JAKMIP2: variants seen among roughly 807,000 people sequenced by gnomAD.
The protein encoded by JAKMIP2 is janus kinase and microtubule interacting protein 2, also known as janus kinase and microtubule-interacting protein 2.
In JAKMIP2, 25 loss-of-function variants were observed where a neutral mutation model predicts 115.0. The ratio of observed to expected loss-of-function variants is 0.22; its 90% CI spans 0.16 to 0.30. JAKMIP2 has a LOEUF of 0.30. Among genes scored for constraint, JAKMIP2 ranks in the 10% least tolerant of loss-of-function variants. The probability of loss-of-function intolerance (pLI) is 1.00; values close to 1 mark genes in which losing one functional copy is unlikely to be tolerated. For synonymous variants in JAKMIP2, 334 were observed against 343.6 expected (o/e 0.97, Z 0.31); for missense variants, 642 against 957.6 (o/e 0.67, Z 4.35).
chr5:147,732,671 A>G (rs754981469), intron 1 of JAKMIP2, among the ~76,000 whole-genome samples: 18 of 152,216 alleles, frequency 1.2e-4, no homozygotes, highest in Non-Finnish European at 2.4e-4. Flanking sequence ...CTTTATTTGC[A>G]TGATGTCATT....
rs955950697 is a variant in JAKMIP2, at chr5:147,782,337, A to G, written c.-149+119T>C. The G allele has an allele frequency of 4.0e-6, 4 of 995,746 alleles. No homozygotes were observed. In the Admixed American group the frequency reaches 8.0e-5, roughly 20 times the overall value. 61.7% of individuals were successfully genotyped at this position (995,746 alleles called of 1,614,324 possible). A position where few individuals can be genotyped will look rare whatever the true frequency, so the allele number is the denominator to read the frequency against. ...CCTCCATCCTCATCTCTGTCTCCAC[A>G]TCTCCCCCTTCTAGTCTGAGGCACG... On this transcript the variant is annotated intron_variant, in intron 1 of 21. Transcript: ENST00000616793.
At chr5:147,628,928 T>C (rs112925166) in intron 15 of JAKMIP2, 112 bp from the exon 16 acceptor site, 9 of 666,760 alleles carry the variant, frequency 1.3e-5, no homozygotes, top group African/African-American at 9.0e-5. Flanking sequence ...GTATAGAAAC[T>C]TAACAAATTC....
chr5:147,741,879 C>T (rs1754152478), intron 1 of JAKMIP2, among the ~76,000 whole-genome samples: 3 of 151,916 alleles, frequency 2.0e-5, no homozygotes, highest in South Asian at 4.1e-4. Flanking sequence ...CCATTTGCTG[C>T]TCTATGTCCC....
intron 1 of JAKMIP2, among the ~76,000 whole-genome samples, chr5:147,712,136 C>T (rs1231262331): frequency 6.6e-6 from 1 of 152,204 alleles, no homozygotes; most frequent in Non-Finnish European, 1.5e-5. Context: ...AAATATCCCA[C>T]ATTCTCACCT....
chr5:147,618,590 T>G (rs1013999331), intron 18 of JAKMIP2, among the ~76,000 whole-genome samples: 1 of 151,998 alleles, frequency 6.6e-6, no homozygotes, highest in East Asian at 1.9e-4. Flanking sequence ...TATAAAAAAT[T>G]AGGTGGGCGT....
At chr5:147,607,502 G>T (rs185014999) in intron 20 of JAKMIP2, among the ~76,000 whole-genome samples, 38 of 152,204 alleles carry the variant, frequency 2.5e-4, no homozygotes, top group African/African-American at 9.2e-4. Context: ...GTTGAACCAG[G>T]CTTGCATCCC....
At chr5:147,597,636 G>A (rs553903304) in intron 21 of JAKMIP2, among the ~76,000 whole-genome samples, 1 of 152,254 alleles carries the variant, frequency 6.6e-6, no homozygotes, top group African/African-American at 2.4e-5. Context: ...ATTTTCAATG[G>A]GTCATTGCAA....
At chr5:147,641,661 C>CTCA (rs764310511) in intron 8 of JAKMIP2, 47 bp downstream of exon 8, 18 of 1,356,108 alleles carry the variant, frequency 1.3e-5, no homozygotes, top group Non-Finnish European at 1.9e-5. Flanking sequence ...AGCCTCATCT[C>CTCA]TCTGGCTGTT....
intron 21 of JAKMIP2, among the ~76,000 whole-genome samples, chr5:147,594,983 G>A (rs1755295636): frequency 6.6e-6 from 1 of 151,944 alleles, no homozygotes; most frequent in South Asian, 2.1e-4. Context: ...AGGATGAATG[G>A]GTATCAACCA....
intron 4 of JAKMIP2, among the ~76,000 whole-genome samples, chr5:147,649,116 T>C (rs1253891488): frequency 6.6e-6 from 1 of 152,210 alleles, no homozygotes; most frequent in Non-Finnish European, 1.5e-5. Flanking sequence ...CTTAATTTCA[T>C]GTTGTAGAGT....
At position 147,671,664 on chromosome 5, in the gene JAKMIP2, T is replaced by G; in HGVS notation, c.129+14A>C. 7.1e-7 allele frequency: 1 copy of G among 1,399,032 alleles called. No individual in the cohort carries two copies. The highest frequency in any genetic ancestry group is 9.4e-7 in the Non-Finnish European group (1 of 1,065,284). The allele number at this position is 1,399,032 out of a possible 1,614,324, so 86.7% of individuals were successfully genotyped here. A position where few individuals can be genotyped will look rare whatever the true frequency, so the allele number is the denominator to read the frequency against. ...CTGCTCTTAATGCCACGACCTCAGG[T>G]AGCCCTCGCTCACCTTGGACTTCTC... On this transcript the variant is annotated intron_variant, in intron 2 of 21. Coordinates refer to ENST00000616793, the MANE Select transcript of JAKMIP2 (RefSeq NM_001270941.2).
At chr5:147,721,721 G>A (rs1287724151) in intron 1 of JAKMIP2, among the ~76,000 whole-genome samples, 9 of 152,020 alleles carry the variant, frequency 5.9e-5, no homozygotes, top group Admixed American at 1.3e-4. Flanking sequence ...CGCACGGTGC[G>A]CGCACCCACT....
At chr5:147,611,699 T>C (rs1238387043) in intron 20 of JAKMIP2, among the ~76,000 whole-genome samples, 2 of 152,122 alleles carry the variant, frequency 1.3e-5, no homozygotes, top group Non-Finnish European at 1.5e-5. Flanking sequence ...TCGCTGCTGC[T>C]TGTTCAGCAT....
intron 1 of JAKMIP2, among the ~76,000 whole-genome samples, chr5:147,763,600 AATTGGGTAAAT>A (rs1333581876): frequency 6.6e-6 from 1 of 152,126 alleles, no homozygotes; most frequent in East Asian, 1.9e-4. Context: ...GTACTTCCAC[AATTGGGTAAAT>A]ATTTTAATTT....
intron 21 of JAKMIP2, among the ~76,000 whole-genome samples, chr5:147,594,832 C>G (rs747058234): frequency 5.3e-5 from 8 of 152,136 alleles, no homozygotes; most frequent in Non-Finnish European, 1.0e-4. Context: ...CTCCACAATA[C>G]AGATGAGTAC....
At chr5:147,616,721 T>A (rs1361490840) in intron 19 of JAKMIP2, among the ~76,000 whole-genome samples, 13 of 152,184 alleles carry the variant, frequency 8.5e-5, no homozygotes, top group African/African-American at 3.1e-4. Flanking sequence ...AAACTCAAAC[T>A]TTTGTGATGG....
At chr5:147,773,864 G>A (rs1426362164) in intron 1 of JAKMIP2, among the ~76,000 whole-genome samples, 1 of 152,034 alleles carries the variant, frequency 6.6e-6, no homozygotes, top group Non-Finnish European at 1.5e-5. Context: ...TGGACAATCT[G>A]GCTAAGAAGA....
chr5:147,735,322 G>C (rs1488154308), intron 1 of JAKMIP2, among the ~76,000 whole-genome samples: 2 of 152,136 alleles, frequency 1.3e-5, no homozygotes, highest in African/African-American at 4.8e-5. Flanking sequence ...TCTGTTCTCA[G>C]GCTGCTAATA....
chr5:147,624,698 C>T (rs541968366), intron 16 of JAKMIP2, among the ~76,000 whole-genome samples: 1 of 152,122 alleles, frequency 6.6e-6, no homozygotes, highest in Non-Finnish European at 1.5e-5. Context: ...TATAATGAAT[C>T]TCTAGCAAGT....
Sources: gnomAD v4.1 joint callset for allele counts (sites outside exome capture counted in the v4.1 genomes callset) on GRCh38, gnomAD v4.1.1 for gene constraint, MANE v1.5 for transcripts, NCBI Gene and HGNC (gene_info 2026-07-23, HGNC 2026-07-21) for gene names.